LOC128092246: variants seen among roughly 807,000 people sequenced by gnomAD.
the LOC128092246 span, chr6:53,041,334 G>C: frequency 1.3e-6 from 1 of 797,376 alleles, no homozygotes; most frequent in Non-Finnish European, 2.2e-6. Flanking sequence ...ATTTTTCGAT[G>C]GCAGCACCAG....
the LOC128092246 span, chr6:53,041,280 G>A: frequency 7.1e-7 from 1 of 1,405,734 alleles, no homozygotes; most frequent in Non-Finnish European, 1.0e-6. Context: ...GGCCGAAGTG[G>A]TTCAGTTCTG....
chr6:53,041,271 G>A, the LOC128092246 span: 1 of 1,507,412 alleles, frequency 6.6e-7, no homozygotes, highest in South Asian at 1.1e-5. Context: ...TCATCTCACG[G>A]CCGAAGTGGT....
At chr6:53,041,376 C>T in the LOC128092246 span, 2 of 673,198 alleles carry the variant, frequency 3.0e-6, no homozygotes, top group Non-Finnish European at 2.7e-6. Flanking sequence ...TGACTGTCTC[C>T]CAAATACATA....
chr6:53,041,338 G>T, the LOC128092246 span: 1 of 784,018 alleles, frequency 1.3e-6, no homozygotes, highest in Non-Finnish European at 2.3e-6. Context: ...TTCGATGGCA[G>T]CACCAGCACA....
At chr6:53,041,285 G>T in the LOC128092246 span, 4 of 1,322,044 alleles carry the variant, frequency 3.0e-6, no homozygotes, top group African/African-American at 1.4e-5. Context: ...AAGTGGTTCA[G>T]TTCTGCAGTG....
chr6:53,041,349 A>G, the LOC128092246 span: 1 of 758,804 alleles, frequency 1.3e-6, no homozygotes, highest in Non-Finnish European at 2.4e-6. Context: ...CACCAGCACA[A>G]GGTATTCAAT....
chr6:53,041,382 A>G, the LOC128092246 span: 10 of 659,988 alleles, frequency 1.5e-5, no homozygotes, highest in Non-Finnish European at 2.5e-5. Flanking sequence ...TCTCCCAAAT[A>G]CATATTTCCA....
the LOC128092246 span, chr6:53,041,341 C>A: frequency 1.3e-5 from 10 of 777,468 alleles, no homozygotes; most frequent in African/African-American, 1.2e-4. Context: ...GATGGCAGCA[C>A]CAGCACAAGG....
chr6:53,041,319 A>G, the LOC128092246 span: 4 of 941,910 alleles, frequency 4.2e-6, no homozygotes, highest in African/African-American at 6.4e-5. Context: ...CCAGAGTGTA[A>G]CCAGATTTTT....
At chr6:53,041,269 C>T in the LOC128092246 span, 80 of 1,517,402 alleles carry the variant, frequency 5.3e-5, no homozygotes, top group Admixed American at 1.0e-3. Context: ...ACTCATCTCA[C>T]GGCCGAAGTG....
At chr6:53,041,275 A>C in the LOC128092246 span, 1 of 1,481,918 alleles carries the variant, frequency 6.7e-7, no homozygotes, top group South Asian at 1.1e-5. Flanking sequence ...CTCACGGCCG[A>C]AGTGGTTCAG....
chr6:53,041,304 C>G, the LOC128092246 span: 15 of 1,092,198 alleles, frequency 1.4e-5, no homozygotes, highest in African/African-American at 2.3e-4. Flanking sequence ...TGGTAGCAGT[C>G]CTCCCCAGAG....
the LOC128092246 span, chr6:53,041,312 G>A: frequency 1.0e-6 from 1 of 982,690 alleles, no homozygotes; most frequent in Admixed American, 1.7e-5. Flanking sequence ...GTCCTCCCCA[G>A]AGTGTAACCA....
At chr6:53,041,281 T>C in the LOC128092246 span, 1 of 1,408,544 alleles carries the variant, frequency 7.1e-7, no homozygotes, top group Non-Finnish European at 1.0e-6. Context: ...GCCGAAGTGG[T>C]TCAGTTCTGC....
At chr6:53,041,292 A>C in the LOC128092246 span, 1 of 1,199,946 alleles carries the variant, frequency 8.3e-7, no homozygotes, top group Non-Finnish European at 1.2e-6. Flanking sequence ...TCAGTTCTGC[A>C]GTGGTAGCAG....
the LOC128092246 span, chr6:53,041,273 C>A: frequency 6.7e-7 from 1 of 1,483,224 alleles, no homozygotes; most frequent in Non-Finnish European, 9.4e-7. Flanking sequence ...ATCTCACGGC[C>A]GAAGTGGTTC....
the LOC128092246 span, chr6:53,041,300 C>T: frequency 1.8e-6 from 2 of 1,097,094 alleles, no homozygotes; most frequent in South Asian, 2.5e-5. Flanking sequence ...GCAGTGGTAG[C>T]AGTCCTCCCC....
At chr6:53,041,296 G>T in the LOC128092246 span, 1 of 1,163,462 alleles carries the variant, frequency 8.6e-7, no homozygotes, top group Non-Finnish European at 1.3e-6. Context: ...TTCTGCAGTG[G>T]TAGCAGTCCT....
chr6:53,041,359 T>C, the LOC128092246 span: 17 of 732,548 alleles, frequency 2.3e-5, no homozygotes, highest in African/African-American at 6.9e-5. Context: ...AGGTATTCAA[T>C]AGGACGTGAC....
Sources: gnomAD v4.1 joint callset for allele counts on GRCh38, gnomAD v4.1.1 for gene constraint, MANE v1.5 for transcripts.